PGR: variants seen among roughly 807,000 people sequenced by gnomAD.
The protein encoded by PGR is progesterone receptor.
Under a neutral mutation model 76.1 loss-of-function variants are expected in PGR, and 25 were observed. The ratio of observed to expected loss-of-function variants is 0.33; its 90% CI spans 0.24 to 0.46. The LOEUF is 0.46. Ranked by LOEUF, PGR falls within the 20% of genes least tolerant of loss-of-function variation. The probability of loss-of-function intolerance (pLI) is 1.00; values close to 1 mark genes in which losing one functional copy is unlikely to be tolerated. For missense variants in PGR, 1,172 were observed against 1,225.3 expected, an observed-to-expected ratio of 0.96 and a Z score of 0.65; for synonymous variants, 579 against 535.0, an observed-to-expected ratio of 1.08 and a Z score of -1.14.
At chr11:101,063,204 G>A (rs1266131621) in intron 3 of PGR, 1 of 152,832 alleles carries the variant, frequency 6.5e-6, no homozygotes, top group East Asian at 1.9e-4. Flanking sequence ...TCTTCTTTGA[G>A]GTTTTGTTCT....
rs147360144 is a variant in PGR, at chr11:101,100,131, C to T, written c.1790-8255G>A. On this transcript the variant is annotated intron_variant, in intron 2 of 7. Transcript: ENST00000325455. ...TCATCTTGAATTGTAATCCCATAAT[C>T]CCCCCATGTTGTGGGAGGAACTCAG... Among the ~76,000 whole-genome samples, 37 of 152,236 alleles carry T rather than the reference C, an allele frequency of 2.4e-4. No homozygotes were observed. The East Asian group carries it at 6.4e-3, about 26-fold the overall frequency.
intron 1 of PGR, among the ~76,000 whole-genome samples, chr11:101,126,741 G>A (rs1425135537): frequency 1.3e-5 from 2 of 152,192 alleles, no homozygotes; most frequent in Non-Finnish European, 2.9e-5. Context: ...AGTATGCAAA[G>A]TAGTGTTTTT....
At chr11:101,116,478 GC>G (rs777301023) in intron 2 of PGR, among the ~76,000 whole-genome samples, 5 of 152,174 alleles carry the variant, frequency 3.3e-5, no homozygotes, top group Non-Finnish European at 7.3e-5. Context: ...AGTGGCTCAT[GC>G]CTGTAATCCC....
At chr11:101,095,431 T>C (rs1424017714) in intron 2 of PGR, among the ~76,000 whole-genome samples, 1 of 152,234 alleles carries the variant, frequency 6.6e-6, no homozygotes, top group Non-Finnish European at 1.5e-5. Context: ...GCACTTACTA[T>C]GTGCCAGGCA....
intron 2 of PGR, among the ~76,000 whole-genome samples, chr11:101,106,511 T>A (rs1862167660): frequency 6.6e-6 from 1 of 152,090 alleles, no homozygotes; most frequent in Non-Finnish European, 1.5e-5. Flanking sequence ...AAAATCACAA[T>A]AAGATACCAT....
In PGR at chr11:101,037,143, A is replaced by G. The variant is rs523535; in HGVS notation, c.*1973T>C. 0.24 allele frequency: 47,734 copies of G among 202,492 alleles called. 7,036 individuals carry two copies. The highest frequency in any genetic ancestry group is 0.33 in the Non-Finnish European group (32,214 of 98,464). 12.5% of individuals were successfully genotyped at this position (202,492 alleles called of 1,614,324 possible). Reference sequence around the variant, plus strand: ...GGAAAATATATTGAAAGCCTTTTCAATAAGATTTAATGCAAATGAATTACT... The same window carrying G: ...GGAAAATATATTGAAAGCCTTTTCAGTAAGATTTAATGCAAATGAATTACT... On this transcript the variant is annotated 3_prime_UTR_variant, in exon 8 of 8. Coordinates refer to ENST00000325455, the MANE Select transcript of PGR (RefSeq NM_000926.4).
intron 3 of PGR, among the ~76,000 whole-genome samples, chr11:101,076,833 T>G (rs765288725): frequency 6.6e-6 from 1 of 151,462 alleles, no homozygotes; most frequent in Non-Finnish European, 1.5e-5. Flanking sequence ...CATAATTATT[T>G]AATTCTGATA....
intron 3 of PGR, among the ~76,000 whole-genome samples, chr11:101,077,984 A>C (rs1861179963): frequency 6.6e-6 from 1 of 152,218 alleles, no homozygotes; most frequent in South Asian, 2.1e-4. Flanking sequence ...AAAGGCACAG[A>C]GCAGGACTCT....
At chr11:101,070,956 C>T (rs1222048008) in intron 3 of PGR, among the ~76,000 whole-genome samples, 1 of 152,216 alleles carries the variant, frequency 6.6e-6, no homozygotes, top group East Asian at 1.9e-4. Context: ...TCTCCCAGCG[C>T]AGTGCTCAAG....
chr11:101,117,364 T>C (rs1862543340), intron 2 of PGR, among the ~76,000 whole-genome samples: 2 of 152,206 alleles, frequency 1.3e-5, no homozygotes, highest in Admixed American at 6.5e-5. Context: ...TTTCTTGATT[T>C]GTAAGAATAT....
chr11:101,094,511 G>A (rs1861773721), intron 2 of PGR, among the ~76,000 whole-genome samples: 1 of 152,006 alleles, frequency 6.6e-6, no homozygotes. Context: ...TATATGTGGT[G>A]TGCCACTGCA....
intron 2 of PGR, among the ~76,000 whole-genome samples, chr11:101,096,458 T>C (rs1414544092): frequency 6.6e-6 from 1 of 152,206 alleles, no homozygotes; most frequent in South Asian, 2.1e-4. Context: ...CAGTTCCAAC[T>C]AGAGCCGACT....
At chr11:101,119,763 G>T (rs1862618215) in intron 2 of PGR, among the ~76,000 whole-genome samples, 1 of 152,194 alleles carries the variant, frequency 6.6e-6, no homozygotes, top group African/African-American at 2.4e-5. Context: ...TTGAAAACCA[G>T]TCTCCTATAA....
chr11:101,113,882 T>G (rs1162808103), intron 2 of PGR, among the ~76,000 whole-genome samples: 1 of 152,120 alleles, frequency 6.6e-6, no homozygotes, highest in African/African-American at 2.4e-5. Context: ...CCCCAGCTGC[T>G]AGCCTACAAT....
intron 3 of PGR, among the ~76,000 whole-genome samples, chr11:101,075,776 T>C (rs556621526): frequency 6.6e-6 from 1 of 152,324 alleles, no homozygotes; most frequent in East Asian, 1.9e-4. Context: ...AGATGCCATT[T>C]CATGCCAGTT....
chr11:101,076,813 A>C (rs757274326), intron 3 of PGR, among the ~76,000 whole-genome samples: 5 of 151,686 alleles, frequency 3.3e-5, no homozygotes, highest in African/African-American at 7.2e-5. Context: ...ATTTGGTAAA[A>C]TAGGGCAGGC....
At chr11:101,123,317 G>A (rs1342376096) in intron 2 of PGR, among the ~76,000 whole-genome samples, 1 of 152,114 alleles carries the variant, frequency 6.6e-6, no homozygotes, top group East Asian at 1.9e-4. Context: ...ATTGTTGCCT[G>A]TTTACTTTAA....
chr11:101,128,040 C>G lies in PGR; in HGVS notation c.1031G>C (p.Ser344Thr), dbSNP rs3740753. ...CGGGGTGGACGAGGCACAGGGTGAACTCCGCGGCGGGGCAAAGGCGCTGGC... is the reference window on the plus strand; with the variant it reads ...CGGGGTGGACGAGGCACAGGGTGAAGTCCGCGGCGGGGCAAAGGCGCTGGC... ...GAASAFAPPRSSPCASSTPVA... is the reference protein window; with the variant it reads ...GAASAFAPPRTSPCASSTPVA... Residue 344 changes from serine (S) to threonine (T), a missense_variant, in exon 1 of 8, where the codon AGT (serine) becomes ACT (threonine). Coordinates refer to ENST00000325455, the MANE Select transcript of PGR (RefSeq NM_000926.4). The G allele has an allele frequency of 0.15, 238,729 of 1,605,944 alleles. 19,352 individuals are homozygous for G. The highest frequency in any genetic ancestry group is 0.16 in the Non-Finnish European group (193,119 of 1,179,688).
chr11:101,113,814 C>T (rs537163366), intron 2 of PGR, among the ~76,000 whole-genome samples: 43 of 152,248 alleles, frequency 2.8e-4, no homozygotes, highest in African/African-American at 9.4e-4. Flanking sequence ...GGCATCTACT[C>T]TCCTTGAGCC....
Sources: allele counts gnomAD v4.1 joint callset (sites outside exome capture counted in the v4.1 genomes callset), GRCh38; gene constraint gnomAD v4.1.1; transcripts MANE v1.5; gene names NCBI Gene and HGNC (gene_info 2026-07-23, HGNC 2026-07-21).